CSMD1: variants seen among roughly 807,000 people sequenced by gnomAD.
CSMD1 encodes CUB and sushi domain-containing protein 1.
Under a neutral mutation model 417.5 loss-of-function variants are expected in CSMD1, and 213 were observed. The observed-to-expected ratio is 0.51, with a 90% CI of 0.46 to 0.57. CSMD1 has a LOEUF of 0.57. Among genes scored for constraint, CSMD1 ranks in the 20% least tolerant of loss-of-function variants. The pLI is 0.00. For synonymous variants in CSMD1, 2,862 were observed against 1,736.8 expected (o/e 1.65, Z -16.11); for missense variants, 6,923 against 4,529.7 (o/e 1.53, Z -15.17).
intron 1 of CSMD1, among the ~76,000 whole-genome samples, chr8:4,975,805 A>G (rs1284208829): frequency 3.3e-5 from 5 of 152,146 alleles, no homozygotes; most frequent in African/African-American, 4.8e-5. Flanking sequence ...TGAATAGTGT[A>G]TGCATTTTTT....
At chr8:3,463,767 G>T (rs185338389) in intron 12 of CSMD1, among the ~76,000 whole-genome samples, 2 of 152,160 alleles carry the variant, frequency 1.3e-5, no homozygotes, top group South Asian at 4.1e-4. Flanking sequence ...GCACCTTCAA[G>T]ATTACATAAC....
At chr8:4,779,368 A>G (rs1436787981) in intron 1 of CSMD1, among the ~76,000 whole-genome samples, 1 of 152,240 alleles carries the variant, frequency 6.6e-6, no homozygotes, top group Non-Finnish European at 1.5e-5. Flanking sequence ...AATTTTTTAC[A>G]GAAGAGTTCA....
chr8:3,127,904 A>T (rs1222484130), intron 41 of CSMD1: 1 of 135,910 alleles, frequency 7.4e-6, no homozygotes, highest in Non-Finnish European at 1.6e-5. Context: ...GGAATGAAGG[A>T]AGGAAGGAAG....
intron 2 of CSMD1, among the ~76,000 whole-genome samples, chr8:4,634,047 A>G (rs543752432): frequency 2.0e-5 from 3 of 151,826 alleles, no homozygotes; most frequent in Non-Finnish European, 2.9e-5. Context: ...TAACACAAAG[A>G]TCAGATTTTT....
At chr8:4,780,200 A>G (rs895793577) in intron 1 of CSMD1, among the ~76,000 whole-genome samples, 1 of 152,206 alleles carries the variant, frequency 6.6e-6, no homozygotes, top group African/African-American at 2.4e-5. Context: ...ATAGGGGATT[A>G]TGTGTAAAAA....
chr8:3,608,805 G>C lies in CSMD1; in HGVS notation c.1097+7905C>G, dbSNP rs560624787. 1.4e-4 allele frequency among the ~76,000 whole-genome samples: 21 copies of C among 151,144 alleles called. No homozygotes were observed. The South Asian group carries it at 4.0e-3, about 29-fold the overall frequency. On this transcript the variant is annotated intron_variant, in intron 8 of 69. Coordinates refer to ENST00000635120, the MANE Select transcript of CSMD1 (RefSeq NM_033225.6). ...CATAACGTCCAGCAGTGTGCATCAC[G>C]GCCAATGCTAGTCTATGTGGATCCG...
At chr8:4,637,061 A>C (rs1028597588) in intron 2 of CSMD1, among the ~76,000 whole-genome samples, 5 of 152,152 alleles carry the variant, frequency 3.3e-5, no homozygotes, top group African/African-American at 4.8e-5. Context: ...AAGGGCACAA[A>C]AGCAGCCCAA....
At chr8:3,848,022 G>A (rs537657463) in intron 5 of CSMD1, among the ~76,000 whole-genome samples, 1 of 151,292 alleles carries the variant, frequency 6.6e-6, no homozygotes, top group East Asian at 1.9e-4. Context: ...CTTCTTTCCT[G>A]ACACATGTTT....
chr8:3,072,769 A>G (rs528172931), intron 49 of CSMD1, among the ~76,000 whole-genome samples: 1 of 152,270 alleles, frequency 6.6e-6, no homozygotes, highest in Non-Finnish European at 1.5e-5. Flanking sequence ...AGTGCATAGC[A>G]TCGTATTGGT....
Position 4,637,329 on chromosome 8 carries a change from G to C in CSMD1, c.302+13C>G. 1.3e-6 allele frequency: 2 copies of C among 1,586,732 alleles called. No individual in the cohort carries two copies. Among genetic ancestry groups the C allele is most frequent in the Non-Finnish European group, 1.7e-6 (2 of 1,155,532 alleles). ...AACAGTGCTAACTGTAATATAAAAAGTTGATACCTTACCTCACTTTTAAAT... is the reference window on the plus strand; with the variant it reads ...AACAGTGCTAACTGTAATATAAAAACTTGATACCTTACCTCACTTTTAAAT... On this transcript the variant is annotated intron_variant, in intron 2 of 69. Transcript: ENST00000635120.
chr8:3,162,752 A>ATC (rs765171995), intron 37 of CSMD1, among the ~76,000 whole-genome samples: 220 of 151,908 alleles, frequency 1.4e-3, no homozygotes, highest in Non-Finnish European at 2.7e-3. Context: ...TTTACATTCA[A>ATC]TCTCTCTCTC....
chr8:4,826,589 A>G (rs1448725425), intron 1 of CSMD1, among the ~76,000 whole-genome samples: 2 of 152,134 alleles, frequency 1.3e-5, no homozygotes, highest in Non-Finnish European at 2.9e-5. Flanking sequence ...TCCACCTTAA[A>G]CAACTGATGG....
At chr8:4,190,767 G>A (rs1028253599) in intron 3 of CSMD1, among the ~76,000 whole-genome samples, 1 of 152,084 alleles carries the variant, frequency 6.6e-6, no homozygotes, top group South Asian at 2.1e-4. Context: ...GTACTATGCG[G>A]CCATTATAAA....
In CSMD1 at chr8:4,543,835, T is replaced by G. The variant is rs189372023; in HGVS notation, c.302+93507A>C. Among the ~76,000 whole-genome samples the G allele has an allele frequency of 1.2e-3, 176 of 152,238 alleles. 1 individual carries two copies. Among genetic ancestry groups the G allele is most frequent in the African/African-American group, 4.0e-3 (168 of 41,542 alleles). The stretch of plus-strand genomic sequence containing the variant: ...TGAATTTTAACCATTCTACTAGGAA[T>G]GTGGTGGTATCTGATTATTGTTTCA... On this transcript the variant is annotated intron_variant, in intron 2 of 69. Transcript: ENST00000635120.
At position 4,004,985 on chromosome 8, in the gene CSMD1, C is replaced by G. The variant is rs1026818602; in HGVS notation, c.611-6875G>C. On this transcript the variant is annotated intron_variant, in intron 4 of 69. Coordinates refer to ENST00000635120, the MANE Select transcript of CSMD1 (RefSeq NM_033225.6). Reference sequence around the variant, plus strand: ...GGTCTCAATCTCCTGACCTCGTGATCTGCCAGCCTCAGCCTCCCTAGTGAC... The same window carrying G: ...GGTCTCAATCTCCTGACCTCGTGATGTGCCAGCCTCAGCCTCCCTAGTGAC... 6.6e-5 allele frequency among the ~76,000 whole-genome samples: 10 copies of G among 152,276 alleles called. No individual in the cohort carries two copies. The East Asian group carries it at 9.7e-4, about 15-fold the overall frequency.
intron 3 of CSMD1, among the ~76,000 whole-genome samples, chr8:4,120,773 C>A (rs1218384148): frequency 1.3e-5 from 2 of 152,196 alleles, no homozygotes; most frequent in Non-Finnish European, 2.9e-5. Context: ...CTAGTTAAAA[C>A]ATGTCACTTT....
chr8:4,484,695 C>T (rs1248562234), intron 2 of CSMD1, among the ~76,000 whole-genome samples: 4 of 152,032 alleles, frequency 2.6e-5, no homozygotes, highest in African/African-American at 9.7e-5. Context: ...AGTCACCGGG[C>T]ACGATGGCTC....
At chr8:4,068,297 G>A (rs1380664236) in intron 3 of CSMD1, among the ~76,000 whole-genome samples, 1 of 152,164 alleles carries the variant, frequency 6.6e-6, no homozygotes, top group Non-Finnish European at 1.5e-5. Flanking sequence ...GTAGCTGGAG[G>A]ACAGTGTATT....
chr8:3,213,243 C>G (rs1222561157), intron 30 of CSMD1, among the ~76,000 whole-genome samples: 1 of 152,174 alleles, frequency 6.6e-6, no homozygotes, highest in Admixed American at 6.6e-5. Flanking sequence ...GGTCTTTGAG[C>G]TCATCTTAAA....
Sources: gnomAD v4.1 joint callset for allele counts (sites outside exome capture counted in the v4.1 genomes callset) on GRCh38, gnomAD v4.1.1 for gene constraint, MANE v1.5 for transcripts, NCBI Gene and HGNC (gene_info 2026-07-23, HGNC 2026-07-21) for gene names.